The following PRELID2 variants were observed in gnomAD, a reference collection of about 807,000 sequenced individuals.
The protein encoded by PRELID2 is PRELI domain containing 2.
In PRELID2, 25 loss-of-function variants were observed where a neutral mutation model predicts 28.4. The observed-to-expected ratio is 0.88, with a 90% confidence interval of 0.64 to 1.23. The LOEUF is 1.23. Among genes scored for constraint, PRELID2 ranks in the 50% most tolerant of loss-of-function variants. PRELID2 has a pLI of 0.00. For synonymous variants in PRELID2, 76 were observed against 71.6 expected, an observed-to-expected ratio of 1.06 and a Z score of -0.31; for missense variants, 201 against 214.4, an observed-to-expected ratio of 0.94 and a Z score of 0.39.
the PRELID2 span, among the ~76,000 whole-genome samples, chr5:145,432,594 T>G: frequency 9.9e-5 from 15 of 152,130 alleles, no homozygotes. Context: ...ATTACATGTT[T>G]GTGTGTATCT....
At chr5:145,699,791 C>T (rs1029116023) in intron 1 of PRELID2, among the ~76,000 whole-genome samples, 3 of 152,164 alleles carry the variant, frequency 2.0e-5, no homozygotes, top group Admixed American at 6.5e-5. Flanking sequence ...GCACAGCTGC[C>T]GCACAAATTT....
the PRELID2 span, among the ~76,000 whole-genome samples, chr5:145,270,002 G>T: frequency 6.6e-6 from 1 of 151,302 alleles, no homozygotes; most frequent in East Asian, 1.9e-4. Context: ...ATATGCTTGA[G>T]ATTATTAAAA....
intron 1 of PRELID2, among the ~76,000 whole-genome samples, chr5:145,709,221 T>C (rs1309654124): frequency 6.6e-6 from 1 of 152,240 alleles, no homozygotes; most frequent in East Asian, 1.9e-4. Context: ...CCCAGGGACC[T>C]ACAGTTAATC....
At chr5:145,765,330 T>C (rs577827561) in intron 5 of PRELID2, among the ~76,000 whole-genome samples, 3 of 152,316 alleles carry the variant, frequency 2.0e-5, no homozygotes, top group African/African-American at 7.2e-5. Flanking sequence ...CAGTAGTTAA[T>C]ATTCATTGAA....
chr5:145,778,723 G>A (rs889641334), intron 5 of PRELID2, among the ~76,000 whole-genome samples: 1 of 152,152 alleles, frequency 6.6e-6, no homozygotes, highest in Non-Finnish European at 1.5e-5. Context: ...ACCCCTCGCT[G>A]CTCCACGCCT....
At position 145,485,036 on chromosome 5, in the gene PRELID2, C is replaced by G. The variant is rs1161708907; in HGVS notation, n.71-11721G>C. 2.6e-5 allele frequency among the ~76,000 whole-genome samples: 4 copies of G among 152,152 alleles called. No homozygotes were observed. In the East Asian group the frequency reaches 5.8e-4, roughly 22 times the overall value. The stretch of plus-strand genomic sequence containing the variant: ...GCTTCCAGACCAGAAGGAAGAATAC[C>G]TGCAACATAGCAATATCCAAACATG... On this transcript the variant is annotated intron_variant and non_coding_transcript_variant, in intron 1 of 2. Transcript: ENST00000510259.
chr5:145,712,452 C>G (rs1755720254), intron 1 of PRELID2, among the ~76,000 whole-genome samples: 2 of 152,098 alleles, frequency 1.3e-5, no homozygotes, highest in South Asian at 4.1e-4. Context: ...ATGCTGTAAG[C>G]CAAGACTTTT....
the PRELID2 span, among the ~76,000 whole-genome samples, chr5:145,356,224 TAA>T: frequency 2.0e-5 from 3 of 152,302 alleles, no homozygotes; most frequent in Admixed American, 6.5e-5. Flanking sequence ...GTTGGGTTTA[TAA>T]AGTCTTCCAC....
chr5:145,383,228 T>C, the PRELID2 span, among the ~76,000 whole-genome samples: 3 of 151,564 alleles, frequency 2.0e-5, no homozygotes, highest in Non-Finnish European at 2.9e-5. Context: ...TACACTCAAA[T>C]ATATATATAC....
chr5:145,519,851 C>A (rs886737249), intron 1 of PRELID2, among the ~76,000 whole-genome samples: 1 of 152,134 alleles, frequency 6.6e-6, no homozygotes, highest in Non-Finnish European at 1.5e-5. Flanking sequence ...GCTAGGTTAG[C>A]CTCTGCCCTA....
the PRELID2 span, among the ~76,000 whole-genome samples, chr5:145,350,789 A>C: frequency 6.6e-6 from 1 of 152,106 alleles, no homozygotes; most frequent in Non-Finnish European, 1.5e-5. Flanking sequence ...AAGGAAGGCA[A>C]AAATTTGAAT....
At chr5:145,480,222 G>A (rs998374459) in intron 1 of PRELID2, among the ~76,000 whole-genome samples, 10 of 152,082 alleles carry the variant, frequency 6.6e-5, no homozygotes, top group Non-Finnish European at 1.5e-4. Flanking sequence ...ATGACTTACT[G>A]GAAGAAATAA....
At chr5:145,697,078 T>TACACACAC (rs1172711688) in intron 1 of PRELID2, among the ~76,000 whole-genome samples, 8 of 98,904 alleles carry the variant, frequency 8.1e-5, no homozygotes, top group African/African-American at 4.0e-4. Context: ...TATATATATA[T>TACACACAC]ATACACACAC....
chr5:145,348,388 C>A, the PRELID2 span, among the ~76,000 whole-genome samples: 1 of 152,086 alleles, frequency 6.6e-6, no homozygotes, highest in African/African-American at 2.4e-5. Context: ...TTGAAGCCAA[C>A]CTTATAGTCC....
the PRELID2 span, among the ~76,000 whole-genome samples, chr5:145,296,611 C>T: frequency 5.3e-5 from 8 of 152,054 alleles, no homozygotes; most frequent in Non-Finnish European, 1.2e-4. Flanking sequence ...TTTCGGTTGG[C>T]TCCAAGTCTT....
At chr5:145,353,503 G>A in the PRELID2 span, among the ~76,000 whole-genome samples, 5 of 151,948 alleles carry the variant, frequency 3.3e-5, no homozygotes, top group African/African-American at 9.7e-5. Context: ...ACCTGAGACC[G>A]GGTAATTTGT....
At chr5:145,668,180 C>A (rs1285626507) in intron 1 of PRELID2, among the ~76,000 whole-genome samples, 1 of 152,030 alleles carries the variant, frequency 6.6e-6, no homozygotes, top group Non-Finnish European at 1.5e-5. Flanking sequence ...ACTACCAAAA[C>A]AATCCCTACA....
At chr5:145,355,135 A>G in the PRELID2 span, among the ~76,000 whole-genome samples, 1 of 152,278 alleles carries the variant, frequency 6.6e-6, no homozygotes, top group South Asian at 2.1e-4. Flanking sequence ...GTAAATTATG[A>G]CAATAAAATT....
At chr5:145,416,044 T>A in the PRELID2 span, among the ~76,000 whole-genome samples, 1 of 152,126 alleles carries the variant, frequency 6.6e-6, no homozygotes, top group East Asian at 1.9e-4. Context: ...ATGATGAGCA[T>A]TTTTTCATGT....
Sources: gnomAD v4.1 joint callset for allele counts (sites outside exome capture counted in the v4.1 genomes callset) on GRCh38, gnomAD v4.1.1 for gene constraint, MANE v1.5 for transcripts, NCBI Gene and HGNC (gene_info 2026-07-23, HGNC 2026-07-21) for gene names.